The following DPP10 variants were observed in gnomAD, a reference collection of about 807,000 sequenced individuals.
The protein encoded by DPP10 is inactive dipeptidyl peptidase 10.
A neutral mutation model predicts 120.9 loss-of-function variants in DPP10; 33 were observed. The ratio of observed to expected loss-of-function variants is 0.27; its 90% confidence interval spans 0.21 to 0.37. DPP10 has a LOEUF of 0.37. Among genes scored for constraint, DPP10 ranks in the 10% least tolerant of loss-of-function variants. The pLI is 1.00. For synonymous variants in DPP10, 337 were observed against 326.1 expected (o/e 1.03, Z -0.36); for missense variants, 816 against 942.8 (o/e 0.87, Z 1.76).
intron 1 of DPP10, among the ~76,000 whole-genome samples, chr2:115,308,842 C>T (rs77929374): frequency 0.075 from 11,375 of 151,822 alleles, 487 homozygotes; most frequent in Middle Eastern, 0.11. Flanking sequence ...AGAAAGTAGC[C>T]CGTAGTGCTT....
intron 1 of DPP10, among the ~76,000 whole-genome samples, chr2:114,692,496 C>G (rs1465091854): frequency 6.6e-6 from 1 of 151,982 alleles, no homozygotes; most frequent in Non-Finnish European, 1.5e-5. Context: ...GAGTGTTTTA[C>G]TTCTGATTAT....
chr2:114,852,807 ATATT>A (rs1425565676), intron 1 of DPP10, among the ~76,000 whole-genome samples: 1 of 152,174 alleles, frequency 6.6e-6, no homozygotes, highest in Non-Finnish European at 1.5e-5. Context: ...AAACACAGAC[ATATT>A]TATTTAATTT....
chr2:115,556,811 G>A (rs2080245953), intron 5 of DPP10, among the ~76,000 whole-genome samples: 1 of 152,076 alleles, frequency 6.6e-6, no homozygotes, highest in Non-Finnish European at 1.5e-5. Context: ...TCTGAAAACG[G>A]CCAAAAACTG....
intron 1 of DPP10, among the ~76,000 whole-genome samples, chr2:114,711,342 A>C (rs1183800259): frequency 1.3e-5 from 2 of 152,220 alleles, no homozygotes; most frequent in Non-Finnish European, 2.9e-5. Flanking sequence ...ATTTAGGAGG[A>C]TCTTTAAATA....
chr2:114,809,098 A>G (rs1684977662), intron 1 of DPP10, among the ~76,000 whole-genome samples: 1 of 152,054 alleles, frequency 6.6e-6, no homozygotes, highest in South Asian at 2.1e-4. Context: ...TATTCTTCTT[A>G]TGCATTTATT....
chr2:115,267,633 G>T (rs1015136314), intron 1 of DPP10, among the ~76,000 whole-genome samples: 8 of 151,634 alleles, frequency 5.3e-5, no homozygotes, highest in African/African-American at 1.5e-4. Context: ...TTCTAATCTT[G>T]TCACTTTGCT....
At chr2:115,285,061 T>C (rs893767251) in intron 1 of DPP10, among the ~76,000 whole-genome samples, 9 of 152,166 alleles carry the variant, frequency 5.9e-5, no homozygotes, top group Non-Finnish European at 8.8e-5. Flanking sequence ...GCTCATTATC[T>C]ATTTTAGGCC....
At chr2:114,606,700 G>A (rs1253719803) in intron 1 of DPP10, among the ~76,000 whole-genome samples, 1 of 152,114 alleles carries the variant, frequency 6.6e-6, no homozygotes, top group Non-Finnish European at 1.5e-5. Context: ...AAAGTGGGAA[G>A]CTTAGTATCT....
intron 5 of DPP10, among the ~76,000 whole-genome samples, chr2:115,562,613 T>A (rs2080758960): frequency 6.6e-6 from 1 of 152,194 alleles, no homozygotes. Context: ...AATCACTTTC[T>A]TGCAAACAAC....
At chr2:114,497,076 CAT>C (rs1367098715) in intron 1 of DPP10, among the ~76,000 whole-genome samples, 1 of 149,440 alleles carries the variant, frequency 6.7e-6, no homozygotes. Context: ...TACACATATA[CAT>C]ATACATGTAC....
intron 21 of DPP10, among the ~76,000 whole-genome samples, chr2:115,819,181 C>T (rs985792795): frequency 3.9e-5 from 6 of 152,146 alleles, no homozygotes; most frequent in Non-Finnish European, 8.8e-5. Context: ...GGAGCTATTG[C>T]TTTCTGTGTG....
chr2:114,588,361 G>A lies in DPP10; in HGVS notation c.60+145523G>A, dbSNP rs75913690. Among the ~76,000 whole-genome samples the A allele has an allele frequency of 7.6e-3, 1,164 of 152,304 alleles. 10 individuals carry two copies. Among genetic ancestry groups the A allele is most frequent in the Non-Finnish European group, 0.012 (798 of 68,016 alleles). On this transcript the variant is annotated intron_variant, in intron 1 of 25. Transcript: ENST00000410059. ...AAGTGCCATATTAGGCAACATTTACGAATGTTCATGAAGAAATTTTATTGG... is the reference window on the plus strand; with the variant it reads ...AAGTGCCATATTAGGCAACATTTACAAATGTTCATGAAGAAATTTTATTGG...
At chr2:115,099,144 A>G (rs1242402214) in intron 1 of DPP10, among the ~76,000 whole-genome samples, 4 of 150,400 alleles carry the variant, frequency 2.7e-5, no homozygotes, top group African/African-American at 5.0e-5. Flanking sequence ...AAAAAAAAAA[A>G]AAGAAAAAAA....
At chr2:114,937,523 C>T (rs1160910803) in intron 1 of DPP10, among the ~76,000 whole-genome samples, 1 of 152,188 alleles carries the variant, frequency 6.6e-6, no homozygotes, top group African/African-American at 2.4e-5. Flanking sequence ...ACAGATCCCA[C>T]CTGTTTACCC....
intron 1 of DPP10, among the ~76,000 whole-genome samples, chr2:114,974,331 T>C (rs1699603951): frequency 6.6e-6 from 1 of 152,094 alleles, no homozygotes; most frequent in South Asian, 2.1e-4. Flanking sequence ...CATTATTCAG[T>C]AGAGTAACAT....
At chr2:115,770,859 C>CT (rs1157143885) in intron 13 of DPP10, among the ~76,000 whole-genome samples, 1 of 151,950 alleles carries the variant, frequency 6.6e-6, no homozygotes. Flanking sequence ...ATTTTACATT[C>CT]TTTTTTCATG....
chr2:114,839,778 G>A (rs886820464), intron 1 of DPP10, among the ~76,000 whole-genome samples: 1 of 152,140 alleles, frequency 6.6e-6, no homozygotes, highest in Non-Finnish European at 1.5e-5. Flanking sequence ...GAATTTGAAA[G>A]ATGCAACGTC....
At chr2:115,663,510 G>A (rs939160225) in intron 5 of DPP10, among the ~76,000 whole-genome samples, 13 of 152,024 alleles carry the variant, frequency 8.6e-5, no homozygotes, top group African/African-American at 3.1e-4. Flanking sequence ...GTTCCTTCTG[G>A]GCACTTATGT....
At chr2:115,808,555 T>A (rs1016479298) in intron 19 of DPP10, among the ~76,000 whole-genome samples, 5 of 152,218 alleles carry the variant, frequency 3.3e-5, no homozygotes, top group African/African-American at 1.2e-4. Context: ...GCCATAACTC[T>A]ACTGGGTAGA....
Sources: gnomAD v4.1 joint callset for allele counts (sites outside exome capture counted in the v4.1 genomes callset) on GRCh38, gnomAD v4.1.1 for gene constraint, MANE v1.5 for transcripts, NCBI Gene and HGNC (gene_info 2026-07-23, HGNC 2026-07-21) for gene names.